WIF1: variants seen among roughly 807,000 people sequenced by gnomAD.
WIF1 encodes Wnt inhibitory factor 1.
In WIF1, 35 loss-of-function variants were observed where a neutral mutation model predicts 53.5. That is an observed-to-expected ratio of 0.65 (90% CI 0.50 to 0.87). The LOEUF (loss-of-function observed/expected upper bound fraction) is 0.87, where lower values mean the gene tolerates loss of function less well. WIF1 is among the 40% of genes least tolerant of loss of function. The probability of loss-of-function intolerance (pLI) is 0.00; values close to 1 mark genes in which losing one functional copy is unlikely to be tolerated. For missense variants in WIF1, 467 were observed against 476.8 expected (o/e 0.98, Z 0.19); for synonymous variants, 171 against 170.4 (o/e 1.00, Z -0.03).
At chr12:65,106,456 C>CA (rs1189244270) in intron 2 of WIF1, among the ~76,000 whole-genome samples, 1 of 151,706 alleles carries the variant, frequency 6.6e-6, no homozygotes, top group Non-Finnish European at 1.5e-5. Context: ...CTCGGCCCCC[C>CA]AGTTTCAAGT....
At chr12:65,116,485 A>G (rs773342118) in intron 2 of WIF1, among the ~76,000 whole-genome samples, 16 of 152,042 alleles carry the variant, frequency 1.1e-4, no homozygotes, top group Non-Finnish European at 1.9e-4. Context: ...ATCTAGTTGC[A>G]GGAAAACAAC....
intron 3 of WIF1, among the ~76,000 whole-genome samples, chr12:65,072,812 A>G (rs989195135): frequency 2.0e-5 from 3 of 152,212 alleles, no homozygotes; most frequent in African/African-American, 7.2e-5. Flanking sequence ...CAATAGGAAT[A>G]TGAGTAAAGA....
intron 6 of WIF1, among the ~76,000 whole-genome samples, chr12:65,064,240 T>C (rs1882654960): frequency 6.6e-6 from 1 of 152,204 alleles, no homozygotes; most frequent in South Asian, 2.1e-4. Context: ...AGTTGTAGAA[T>C]TCGGCAAGGT....
intron 2 of WIF1, among the ~76,000 whole-genome samples, chr12:65,098,449 C>G (rs1883235800): frequency 6.6e-6 from 1 of 152,110 alleles, no homozygotes; most frequent in Non-Finnish European, 1.5e-5. Context: ...AGTTACATTT[C>G]CAAAGCCCCC....
intron 2 of WIF1, among the ~76,000 whole-genome samples, chr12:65,106,692 G>A (rs980026677): frequency 6.6e-6 from 1 of 152,196 alleles, no homozygotes; most frequent in African/African-American, 2.4e-5. Flanking sequence ...CTGCCACTGG[G>A]CATGTTCAAC....
intron 2 of WIF1, among the ~76,000 whole-genome samples, chr12:65,096,560 T>G (rs1372828173): frequency 6.6e-6 from 1 of 152,210 alleles, no homozygotes; most frequent in Non-Finnish European, 1.5e-5. Flanking sequence ...TAAAGACACA[T>G]GCACACATAT....
intron 4 of WIF1, among the ~76,000 whole-genome samples, chr12:65,068,425 AAG>A (rs2136615749): frequency 6.6e-6 from 1 of 152,274 alleles, no homozygotes; most frequent in South Asian, 2.1e-4. Context: ...CAGAGCAAGA[AAG>A]GGGGAAATTC....
intron 2 of WIF1, among the ~76,000 whole-genome samples, chr12:65,093,694 G>A (rs1438949403): frequency 6.6e-6 from 1 of 152,096 alleles, no homozygotes; most frequent in African/African-American, 2.4e-5. Context: ...ACACATTAAA[G>A]TTGAATCAAC....
At chr12:65,097,496 G>A (rs905607068) in intron 2 of WIF1, among the ~76,000 whole-genome samples, 2 of 152,128 alleles carry the variant, frequency 1.3e-5, no homozygotes, top group East Asian at 3.9e-4. Context: ...GACACACTGG[G>A]TGCTATTTTA....
chr12:65,053,075 C>T (rs796388056), intron 9 of WIF1, among the ~76,000 whole-genome samples: 5 of 152,242 alleles, frequency 3.3e-5, no homozygotes, highest in African/African-American at 7.2e-5. Context: ...ATAAGAGCTT[C>T]GGTTTACTCT....
At chr12:65,089,879 A>G (rs557120072) in intron 2 of WIF1, among the ~76,000 whole-genome samples, 31 of 152,226 alleles carry the variant, frequency 2.0e-4, no homozygotes, top group Non-Finnish European at 2.6e-4. Context: ...CCCTACCCCA[A>G]TTAAACTCTC....
chr12:65,095,711 A>AAT (rs1434314459), intron 2 of WIF1: 1 of 152,120 alleles, frequency 6.6e-6, no homozygotes, highest in Non-Finnish European at 1.5e-5. Flanking sequence ...AATAGAAGGA[A>AAT]ATAGGTTACA....
At chr12:65,101,077 T>C (rs978173815) in intron 2 of WIF1, among the ~76,000 whole-genome samples, 65 of 152,114 alleles carry the variant, frequency 4.3e-4, no homozygotes, top group Non-Finnish European at 5.9e-5. Flanking sequence ...TTTAAGGGTG[T>C]GCTAATTTAT....
chr12:65,051,375 G>T lies in WIF1; in HGVS notation c.1114C>A (p.Pro372Thr). ...CACCAGATGTAATTGGATTCAGGTG[G>T]ATCCCGCCGCTCCTCGGCCTTTTTA... The part of the protein sequence containing the change: ...SLKKAEERRD[P>T]PESNYIW Residue 372 changes from proline to threonine, a missense_variant, in exon 10 of 10, where the codon CCA (proline) becomes ACA (threonine). Coordinates refer to ENST00000286574, the MANE Select transcript of WIF1 (RefSeq NM_007191.5). 1 of 1,613,760 alleles carries T rather than the reference G, an allele frequency of 6.2e-7. No homozygotes were observed. The highest frequency in any genetic ancestry group is 8.5e-7 in the Non-Finnish European group (1 of 1,179,852).
At chr12:65,115,068 C>A (rs2136295761) in intron 2 of WIF1, among the ~76,000 whole-genome samples, 1 of 150,844 alleles carries the variant, frequency 6.6e-6, no homozygotes, top group East Asian at 2.0e-4. Flanking sequence ...CCATAGACAC[C>A]AATTTCACCC....
intron 2 of WIF1, among the ~76,000 whole-genome samples, chr12:65,090,384 C>T (rs1450981631): frequency 6.6e-6 from 1 of 152,108 alleles, no homozygotes; most frequent in Non-Finnish European, 1.5e-5. Context: ...AGGCATAAGG[C>T]ATTGTGTGTG....
chr12:65,078,861 GATT>G (rs1214586048), intron 2 of WIF1, among the ~76,000 whole-genome samples: 4 of 151,970 alleles, frequency 2.6e-5, no homozygotes, highest in Non-Finnish European at 5.9e-5. Context: ...ATTCCCACTG[GATT>G]ATTAAAAGGG....
intron 2 of WIF1, among the ~76,000 whole-genome samples, chr12:65,096,556 C>T (rs1385491922): frequency 1.3e-5 from 2 of 152,176 alleles, no homozygotes; most frequent in African/African-American, 2.4e-5. Flanking sequence ...ATTATAAAGA[C>T]ACATGCACAC....
chr12:65,120,884 GT>G (rs1883598341), intron 1 of WIF1, among the ~76,000 whole-genome samples, 159 bp downstream of exon 1: 1 of 152,214 alleles, frequency 6.6e-6, no homozygotes, highest in Admixed American at 6.5e-5. Context: ...TAAAAGAGAA[GT>G]TTATAAGCTT....
Sources: gnomAD v4.1 joint callset for allele counts (sites outside exome capture counted in the v4.1 genomes callset) on GRCh38, gnomAD v4.1.1 for gene constraint, MANE v1.5 for transcripts, NCBI Gene and HGNC (gene_info 2026-07-23, HGNC 2026-07-21) for gene names.